The following SULF1 variants were observed in gnomAD, a reference collection of about 807,000 sequenced individuals.
SULF1 encodes the protein extracellular sulfatase Sulf-1.
In SULF1, 46 loss-of-function variants were observed where a neutral mutation model predicts 110.5. That is an observed-to-expected ratio of 0.42 (90% CI 0.33 to 0.53). The LOEUF is 0.53. Among genes scored for constraint, SULF1 ranks in the 20% least tolerant of loss-of-function variants. The pLI is 0.12. For synonymous variants in SULF1, 371 were observed against 387.1 expected (o/e 0.96, Z 0.49); for missense variants, 941 against 1,094.2 (o/e 0.86, Z 1.98).
intron 1 of SULF1, among the ~76,000 whole-genome samples, chr8:69,485,216 A>G (rs1809656166): frequency 6.6e-6 from 1 of 152,234 alleles, no homozygotes; most frequent in Non-Finnish European, 1.5e-5. Flanking sequence ...TCCCCAAAAT[A>G]GGAATGACTA....
At chr8:69,551,025 G>T (rs543380294) in intron 3 of SULF1, among the ~76,000 whole-genome samples, 47 of 152,200 alleles carry the variant, frequency 3.1e-4, no homozygotes, top group African/African-American at 1.1e-3. Flanking sequence ...TTGTTTAATC[G>T]ATTCGAAGTT....
chr8:69,525,545 A>G (rs554272723), intron 3 of SULF1, among the ~76,000 whole-genome samples: 2 of 152,276 alleles, frequency 1.3e-5, no homozygotes, highest in Non-Finnish European at 1.5e-5. Context: ...GGAAAAGAAT[A>G]TTAAGTAGAG....
At chr8:69,636,218 G>A (rs966472207) in intron 19 of SULF1, among the ~76,000 whole-genome samples, 8 of 152,132 alleles carry the variant, frequency 5.3e-5, no homozygotes, top group African/African-American at 1.7e-4. Flanking sequence ...CGAGAAATAA[G>A]TTTGTTTATT....
rs553433814 is a variant in SULF1, at chr8:69,636,662, G to A, written c.2285-1840G>A. Among the ~76,000 whole-genome samples the A allele has an allele frequency of 7.9e-5, 12 of 152,260 alleles. 1 individual carries two copies. Among genetic ancestry groups the A allele is most frequent in the East Asian group, 7.7e-4 (4 of 5,188 alleles). The stretch of plus-strand genomic sequence containing the variant: ...CGAGATGCTTGAAGAAGTGGTAGTC[G>A]ATTGGCGAGAGGTCAGGTGAATACA... On this transcript the variant is annotated intron_variant, in intron 19 of 22. Transcript: ENST00000402687.
chr8:69,576,906 ACT>A (rs1297154011), intron 6 of SULF1, among the ~76,000 whole-genome samples: 1 of 152,214 alleles, frequency 6.6e-6, no homozygotes, highest in Non-Finnish European at 1.5e-5. Context: ...TGTTCAAATG[ACT>A]TTCAGGCCTA....
At chr8:69,613,127 T>A (rs1253715432) in intron 13 of SULF1, among the ~76,000 whole-genome samples, 1 of 152,122 alleles carries the variant, frequency 6.6e-6, no homozygotes, top group African/African-American at 2.4e-5. Context: ...TACCCCAATT[T>A]ATGTTTTTGT....
intron 2 of SULF1, among the ~76,000 whole-genome samples, chr8:69,497,989 C>T (rs1433210062): frequency 1.3e-5 from 2 of 152,130 alleles, no homozygotes; most frequent in Non-Finnish European, 2.9e-5. Flanking sequence ...ATATGTCCAA[C>T]ATTTTATAGA....
At chr8:69,553,105 A>T (rs2150696927) in intron 3 of SULF1, among the ~76,000 whole-genome samples, 1 of 152,338 alleles carries the variant, frequency 6.6e-6, no homozygotes, top group Non-Finnish European at 1.5e-5. Context: ...CCTTCACATT[A>T]GCTCTCCAAA....
chr8:69,572,622 G>A (rs1348233011), intron 5 of SULF1, among the ~76,000 whole-genome samples: 5 of 152,102 alleles, frequency 3.3e-5, no homozygotes, highest in African/African-American at 9.7e-5. Context: ...ACTTTTTCAG[G>A]TGAGATTCAC....
Position 69,589,511 on chromosome 8 carries a change from G to A in SULF1, c.734+370G>A, listed in dbSNP as rs559826281. On this transcript the variant is annotated intron_variant, in intron 8 of 22. Coordinates refer to ENST00000402687, the MANE Select transcript of SULF1 (RefSeq NM_001128205.2). ...ATAGTATGCTTTTCATAGCTGCACA[G>A]TGGGGACCTCTGGTCTGGTTATAGA... is the stretch of plus-strand genomic sequence containing the variant. 1.4e-4 allele frequency among the ~76,000 whole-genome samples: 22 copies of A among 152,342 alleles called. No individual in the cohort carries two copies. In the South Asian group the frequency reaches 4.3e-3, roughly 30 times the overall value.
chr8:69,550,686 T>C (rs1319686324), intron 3 of SULF1, among the ~76,000 whole-genome samples: 1 of 152,200 alleles, frequency 6.6e-6, no homozygotes, highest in Non-Finnish European at 1.5e-5. Context: ...CTCCCTGAAG[T>C]CAGGCAACTG....
intron 3 of SULF1, among the ~76,000 whole-genome samples, chr8:69,536,810 A>G (rs1813454973): frequency 6.6e-6 from 1 of 152,170 alleles, no homozygotes; most frequent in Non-Finnish European, 1.5e-5. Flanking sequence ...TAAGCAAGAC[A>G]TGGAGTGGTA....
At chr8:69,476,785 T>C (rs1809316857) in intron 1 of SULF1, among the ~76,000 whole-genome samples, 1 of 152,236 alleles carries the variant, frequency 6.6e-6, no homozygotes, top group South Asian at 2.1e-4. Context: ...AGCCAGTTTA[T>C]ATTTGGAAGC....
At chr8:69,603,145 C>T in intron 10 of SULF1, 47 bp from the exon 11 acceptor site, 2 of 1,609,622 alleles carry the variant, frequency 1.2e-6, no homozygotes, top group Non-Finnish European at 1.7e-6. Flanking sequence ...TAAGTGCCAC[C>T]TTCCCCTGGC....
intron 3 of SULF1, among the ~76,000 whole-genome samples, chr8:69,546,956 G>T (rs1351828976): frequency 2.0e-5 from 3 of 152,132 alleles, no homozygotes; most frequent in African/African-American, 7.2e-5. Flanking sequence ...GCAATGAAAA[G>T]GTTTGAAACC....
At chr8:69,494,178 G>A (rs1050230890) in intron 1 of SULF1, among the ~76,000 whole-genome samples, 4 of 152,070 alleles carry the variant, frequency 2.6e-5, no homozygotes, top group Non-Finnish European at 4.4e-5. Context: ...TGCTGTAAGT[G>A]CTGTGATTCA....
chr8:69,640,866 C>T, intron 22 of SULF1, 25 bp downstream of exon 22: 1 of 1,604,760 alleles, frequency 6.2e-7, no homozygotes, highest in Non-Finnish European at 8.5e-7. Context: ...TTATTCTTCT[C>T]AACAGCTTCT....
At chr8:69,485,885 A>G (rs757226706) in intron 1 of SULF1, among the ~76,000 whole-genome samples, 4 of 152,202 alleles carry the variant, frequency 2.6e-5, no homozygotes, top group Admixed American at 1.3e-4. Context: ...ACTGTTTTCT[A>G]GCAAAAACTT....
chr8:69,537,115 C>A (rs1372395720), intron 3 of SULF1, among the ~76,000 whole-genome samples: 1 of 152,190 alleles, frequency 6.6e-6, no homozygotes, highest in African/African-American at 2.4e-5. Context: ...ATTAGCACCT[C>A]TGACTCACTG....
Sources: gnomAD v4.1 joint callset for allele counts (sites outside exome capture counted in the v4.1 genomes callset) on GRCh38, gnomAD v4.1.1 for gene constraint, MANE v1.5 for transcripts, NCBI Gene and HGNC (gene_info 2026-07-23, HGNC 2026-07-21) for gene names.